Variants in CFDP1 observed in about 807,000 individuals in gnomAD.
The protein encoded by CFDP1 is chromatin remodeling protein CFDP1.
Under a neutral mutation model 40.1 loss-of-function variants are expected in CFDP1, and 31 were observed. That is an observed-to-expected ratio of 0.77 (90% CI 0.58 to 1.04). The LOEUF (loss-of-function observed/expected upper bound fraction) is 1.04. CFDP1 is among the 50% of genes least tolerant of loss of function. The pLI is 0.00. For missense variants in CFDP1, 423 were observed against 343.4 expected (o/e 1.23, Z -1.83); for synonymous variants, 167 against 120.0 (o/e 1.39, Z -2.56).
At chr16:75,399,076 A>AGG in intron 4 of CFDP1, among the ~76,000 whole-genome samples, 1 of 148,650 alleles carries the variant, frequency 6.7e-6, no homozygotes, top group South Asian at 2.1e-4. Flanking sequence ...AAAAAAAAAA[A>AGG]AAAGAAAACC....
intron 6 of CFDP1, among the ~76,000 whole-genome samples, chr16:75,296,322 C>T (rs1344188674): frequency 2.0e-5 from 3 of 152,100 alleles, no homozygotes; most frequent in Admixed American, 6.5e-5. Context: ...ACTGCAGCCT[C>T]GACCTCTCAG....
intron 5 of CFDP1, among the ~76,000 whole-genome samples, chr16:75,315,428 T>C (rs1209774032): frequency 6.6e-6 from 1 of 151,170 alleles, no homozygotes; most frequent in African/African-American, 2.4e-5. Context: ...GGCGCTGGCA[T>C]TAATGAACCT....
chr16:75,351,555 T>G (rs1457105618), intron 5 of CFDP1, among the ~76,000 whole-genome samples: 2 of 152,200 alleles, frequency 1.3e-5, no homozygotes, highest in African/African-American at 2.4e-5. Flanking sequence ...GGATAATGAC[T>G]GCAATGGACT....
At chr16:75,405,577 G>A (rs369977875) in intron 4 of CFDP1, among the ~76,000 whole-genome samples, 7 of 151,918 alleles carry the variant, frequency 4.6e-5, no homozygotes, top group African/African-American at 1.7e-4. Context: ...GTGAAACCTC[G>A]TCTCTACTAA....
intron 5 of CFDP1, among the ~76,000 whole-genome samples, chr16:75,329,617 T>C (rs1003249338): frequency 6.6e-6 from 1 of 152,170 alleles, no homozygotes; most frequent in Non-Finnish European, 1.5e-5. Flanking sequence ...CTCATTGGCT[T>C]TCCTAATTTT....
chr16:75,299,294 C>T (rs1397262321), intron 6 of CFDP1, among the ~76,000 whole-genome samples: 1 of 152,066 alleles, frequency 6.6e-6, no homozygotes, highest in Non-Finnish European at 1.5e-5. Context: ...GTGATTAATT[C>T]TAATCCTACT....
intron 4 of CFDP1, among the ~76,000 whole-genome samples, chr16:75,407,648 C>T (rs1344255991): frequency 9.2e-6 from 1 of 108,136 alleles, no homozygotes; most frequent in Non-Finnish European, 1.8e-5. Flanking sequence ...GAGCAAGACC[C>T]TGTCTCAAAA....
At chr16:75,300,742 A>T (rs997492026) in intron 6 of CFDP1, among the ~76,000 whole-genome samples, 1 of 152,152 alleles carries the variant, frequency 6.6e-6, no homozygotes, top group African/African-American at 2.4e-5. Flanking sequence ...GTCAACTAAC[A>T]GCTGAAATGT....
At chr16:75,393,654 C>T (rs1487871889) in intron 5 of CFDP1, among the ~76,000 whole-genome samples, 3 of 144,134 alleles carry the variant, frequency 2.1e-5, no homozygotes, top group African/African-American at 7.9e-5. Flanking sequence ...GGGCGTGAAC[C>T]CGGGAAGCGG....
intron 5 of CFDP1, among the ~76,000 whole-genome samples, chr16:75,359,807 C>T (rs2078670505): frequency 6.6e-6 from 1 of 152,164 alleles, no homozygotes; most frequent in Admixed American, 6.5e-5. Context: ...TCTTCTTGAC[C>T]AAACCCAATT....
At chr16:75,332,750 A>T (rs1048249852) in intron 5 of CFDP1, among the ~76,000 whole-genome samples, 1 of 149,142 alleles carries the variant, frequency 6.7e-6, no homozygotes, top group Non-Finnish European at 1.5e-5. Context: ...CATATTTCAG[A>T]TATATATTTT....
chr16:75,428,476 GGT>G (rs2079367424), intron 1 of CFDP1, among the ~76,000 whole-genome samples: 1 of 152,070 alleles, frequency 6.6e-6, no homozygotes, highest in African/African-American at 2.4e-5. Context: ...AAATTAGCCA[GGT>G]GTGGTGGCAC....
chr16:75,298,310 G>A (rs189916049), intron 6 of CFDP1, among the ~76,000 whole-genome samples: 107 of 152,328 alleles, frequency 7.0e-4, no homozygotes, highest in African/African-American at 2.5e-3. Context: ...CAGGAGGACA[G>A]AGGGCCTTTG....
chr16:75,313,851 T>C (rs2078309247), intron 5 of CFDP1, among the ~76,000 whole-genome samples: 1 of 150,632 alleles, frequency 6.6e-6, no homozygotes, highest in African/African-American at 2.4e-5. Flanking sequence ...ATGAGATTTC[T>C]TATAGAGTCA....
chr16:75,350,994 CA>C (rs138729725), intron 5 of CFDP1, among the ~76,000 whole-genome samples: 21 of 150,574 alleles, frequency 1.4e-4, no homozygotes, highest in African/African-American at 2.9e-4. Context: ...AATCTAATGA[CA>C]AAAAAAAACT....
At chr16:75,420,130 A>G (rs1453711301) in intron 1 of CFDP1, among the ~76,000 whole-genome samples, 2 of 151,822 alleles carry the variant, frequency 1.3e-5, no homozygotes, top group East Asian at 3.9e-4. Context: ...AAAAAAAAAA[A>G]AAAAAATTAA....
chr16:75,335,914 T>A (rs937329971), intron 5 of CFDP1, among the ~76,000 whole-genome samples: 2 of 151,676 alleles, frequency 1.3e-5, no homozygotes, highest in African/African-American at 4.8e-5. Flanking sequence ...CAAGCAAGAG[T>A]AAAAAATACC....
intron 1 of CFDP1, among the ~76,000 whole-genome samples, chr16:75,431,655 C>A (rs2049596723): frequency 1.3e-5 from 2 of 151,774 alleles, no homozygotes; most frequent in South Asian, 2.1e-4. Flanking sequence ...AAAAAAAACA[C>A]TGAATACTGA....
At chr16:75,297,027 A>G (rs2078186916) in intron 6 of CFDP1, among the ~76,000 whole-genome samples, 1 of 152,338 alleles carries the variant, frequency 6.6e-6, no homozygotes, top group East Asian at 1.9e-4. Flanking sequence ...GTAAAACAGA[A>G]TAACAATTAC....
Sources: gnomAD v4.1 joint callset for allele counts (sites outside exome capture counted in the v4.1 genomes callset) on GRCh38, gnomAD v4.1.1 for gene constraint, MANE v1.5 for transcripts, NCBI Gene and HGNC (gene_info 2026-07-23, HGNC 2026-07-21) for gene names.